The following CDK14 variants were observed in gnomAD, a reference collection of about 807,000 sequenced individuals.
CDK14 encodes cyclin-dependent kinase 14.
CDK14 carries 34 observed loss-of-function variants against 60.7 expected under a neutral mutation model. That is an observed-to-expected ratio of 0.56 (90% CI 0.43 to 0.75). The LOEUF (loss-of-function observed/expected upper bound fraction) is 0.75, where lower values mean the gene tolerates loss of function less well. Ranked by LOEUF, CDK14 falls within the 30% of genes least tolerant of loss-of-function variation. The pLI is 0.00. For synonymous variants in CDK14, 197 were observed against 203.7 expected (o/e 0.97, Z 0.28); for missense variants, 482 against 564.1 (o/e 0.85, Z 1.47).
At chr7:90,983,679 CAA>C (rs199848997) in intron 9 of CDK14, among the ~76,000 whole-genome samples, 30 of 116,846 alleles carry the variant, frequency 2.6e-4, no homozygotes, top group Non-Finnish European at 3.1e-4. Flanking sequence ...GACTCCATCT[CAA>C]AAAAAAAAAA....
chr7:91,023,962 G>A (rs921571414), intron 10 of CDK14, among the ~76,000 whole-genome samples: 32 of 151,968 alleles, frequency 2.1e-4, no homozygotes, highest in African/African-American at 7.2e-4. Context: ...TAGTGGAGAC[G>A]GGGTTTCACC....
At chr7:91,035,424 C>T (rs192616417) in intron 10 of CDK14, among the ~76,000 whole-genome samples, 33 of 152,250 alleles carry the variant, frequency 2.2e-4, no homozygotes, top group African/African-American at 7.5e-4. Flanking sequence ...ATATCTTTAC[C>T]CCATTGGTCC....
chr7:91,105,307 G>T (rs890983666), intron 12 of CDK14, among the ~76,000 whole-genome samples: 5 of 152,220 alleles, frequency 3.3e-5, no homozygotes, highest in Non-Finnish European at 5.9e-5. Flanking sequence ...CACACAGAGT[G>T]GGGACCCTCA....
intron 6 of CDK14, among the ~76,000 whole-genome samples, chr7:90,868,996 C>A (rs1201012527): frequency 1.3e-5 from 2 of 152,176 alleles, no homozygotes; most frequent in Admixed American, 6.5e-5. Flanking sequence ...GGACAGGAAG[C>A]TGAAAATTAC....
intron 2 of CDK14, among the ~76,000 whole-genome samples, chr7:90,715,439 A>ACTAATTAG (rs1802214881): frequency 6.6e-6 from 1 of 152,014 alleles, no homozygotes; most frequent in Non-Finnish European, 1.5e-5. Flanking sequence ...TGCTTCTGAC[A>ACTAATTAG]TGGTAGACAT....
chr7:90,959,707 T>C (rs1000996677), intron 9 of CDK14, among the ~76,000 whole-genome samples: 10 of 152,308 alleles, frequency 6.6e-5, no homozygotes, highest in African/African-American at 2.2e-4. Flanking sequence ...AAGACACATA[T>C]GCATTATCAT....
intron 5 of CDK14, among the ~76,000 whole-genome samples, chr7:90,803,450 C>T (rs968421615): frequency 6.6e-6 from 1 of 152,096 alleles, no homozygotes; most frequent in African/African-American, 2.4e-5. Context: ...TTAAGAGGGA[C>T]ACTTGGTAGG....
Position 90,649,236 on chromosome 7 carries a change from GTTTC to G in CDK14, c.123+45060_123+45063del, listed in dbSNP as rs1167505193. Among the ~76,000 whole-genome samples, 1,070 of 118,456 alleles carry G rather than the reference GTTTC, an allele frequency of 9.0e-3. 10 individuals are homozygous for G. Among genetic ancestry groups the G allele is most frequent in the African/African-American group, 0.011 (349 of 31,070 alleles). The allele number at this position is 118,456 out of a possible 152,430, so 77.7% of individuals were successfully genotyped here. On this transcript the variant is annotated intron_variant, in intron 2 of 14. Coordinates refer to ENST00000380050, the MANE Select transcript of CDK14 (RefSeq NM_001287135.2). ...GAGTCAGCAACAGCTCTAGCCTATA[GTTTC>G]TTTCTTTCTTTCTTTCTTTCTTTCT... is the stretch of plus-strand genomic sequence containing the variant.
intron 14 of CDK14, among the ~76,000 whole-genome samples, chr7:91,187,880 C>T (rs1359350103): frequency 6.6e-6 from 1 of 151,346 alleles, no homozygotes; most frequent in Non-Finnish European, 1.5e-5. Context: ...CTGGCCTGCG[C>T]CATACTGTCT....
intron 8 of CDK14, among the ~76,000 whole-genome samples, chr7:90,930,515 T>C (rs1192559639): frequency 7.5e-5 from 11 of 146,982 alleles, no homozygotes; most frequent in Admixed American, 7.5e-4. Context: ...TGCAGTGTTA[T>C]AGCACAGGCT....
intron 8 of CDK14, among the ~76,000 whole-genome samples, chr7:90,939,522 A>G (rs780322877): frequency 1.3e-5 from 2 of 152,236 alleles, no homozygotes; most frequent in Non-Finnish European, 2.9e-5. Flanking sequence ...AATCTGTCCA[A>G]CTGTATTCTT....
intron 5 of CDK14, among the ~76,000 whole-genome samples, chr7:90,830,782 A>G (rs1223613495): frequency 3.3e-5 from 5 of 152,188 alleles, no homozygotes; most frequent in African/African-American, 1.2e-4. Context: ...CTGCTTGGAA[A>G]TTTATTTTGC....
At chr7:91,014,688 G>T (rs1056367580) in intron 10 of CDK14, among the ~76,000 whole-genome samples, 6 of 152,194 alleles carry the variant, frequency 3.9e-5, no homozygotes, top group African/African-American at 1.4e-4. Flanking sequence ...TGTCATTAAA[G>T]TAGGTTAGCT....
intron 2 of CDK14, among the ~76,000 whole-genome samples, chr7:90,714,558 G>A (rs1802177219): frequency 6.6e-6 from 1 of 152,018 alleles, no homozygotes; most frequent in African/African-American, 2.4e-5. Flanking sequence ...AATTGTTAAA[G>A]CAACATTGAA....
chr7:91,030,143 A>G (rs1796720871), intron 10 of CDK14, among the ~76,000 whole-genome samples: 2 of 152,230 alleles, frequency 1.3e-5, no homozygotes, highest in Non-Finnish European at 2.9e-5. Context: ...TTAATTGTAT[A>G]TATCTAAATG....
At chr7:90,835,600 C>T (rs893260469) in intron 5 of CDK14, among the ~76,000 whole-genome samples, 13 of 152,132 alleles carry the variant, frequency 8.5e-5, no homozygotes, top group East Asian at 3.9e-4. Flanking sequence ...TCCTGTCATT[C>T]TGCAATTACT....
At position 90,634,626 on chromosome 7, in the gene CDK14, A is replaced by G. The variant is rs1161229254; in HGVS notation, c.123+30377A>G. Reference sequence around the variant, plus strand: ...ATGTGTCTTTATAGCAGCACGATTTATAGTCCTTTGGGTATATACCCAGTA... The same window carrying G: ...ATGTGTCTTTATAGCAGCACGATTTGTAGTCCTTTGGGTATATACCCAGTA... On this transcript the variant is annotated intron_variant, in intron 2 of 14. Transcript: ENST00000380050. Among the ~76,000 whole-genome samples the G allele has an allele frequency of 9.9e-5, 15 of 152,228 alleles. No individual in the cohort carries two copies. In the East Asian group the frequency reaches 2.7e-3, roughly 27 times the overall value.
intron 4 of CDK14, among the ~76,000 whole-genome samples, chr7:90,770,535 T>C (rs1207420222): frequency 6.6e-6 from 1 of 152,220 alleles, no homozygotes; most frequent in Non-Finnish European, 1.5e-5. Flanking sequence ...AAAAATGTAG[T>C]AATACAAACG....
intron 6 of CDK14, among the ~76,000 whole-genome samples, chr7:90,892,225 T>G (rs138750313): frequency 1.3e-5 from 2 of 151,326 alleles, no homozygotes; most frequent in Admixed American, 6.6e-5. Flanking sequence ...CAAAGGTGAG[T>G]GTTGTTTTCT....
Sources: allele counts gnomAD v4.1 joint callset (sites outside exome capture counted in the v4.1 genomes callset), GRCh38; gene constraint gnomAD v4.1.1; transcripts MANE v1.5; gene names NCBI Gene and HGNC (gene_info 2026-07-23, HGNC 2026-07-21).